The following MARK3 variants were observed in gnomAD, a reference collection of about 807,000 sequenced individuals.
MARK3 encodes the protein microtubule affinity regulating kinase 3.
A neutral mutation model predicts 90.1 loss-of-function variants in MARK3; 46 were observed. That is an observed-to-expected ratio of 0.51 (90% confidence interval 0.40 to 0.65). The LOEUF (loss-of-function observed/expected upper bound fraction) is 0.65, where lower values mean the gene tolerates loss of function less well. Ranked by LOEUF, MARK3 falls within the 30% of genes least tolerant of loss-of-function variation. The pLI is 0.00. For missense variants in MARK3, 818 were observed against 947.2 expected (o/e 0.86, Z 1.79); for synonymous variants, 321 against 332.6 (o/e 0.97, Z 0.38).
chr14:103,502,737 A>G, intron 17 of MARK3, 145 bp from the exon 18 acceptor site: 1 of 637,998 alleles, frequency 1.6e-6, no homozygotes, highest in Admixed American at 3.0e-5. Context: ...AAATAGACTT[A>G]GTTACAAATG....
At chr14:103,405,887 G>A (rs538120369) in intron 2 of MARK3, among the ~76,000 whole-genome samples, 25 of 149,188 alleles carry the variant, frequency 1.7e-4, no homozygotes, top group African/African-American at 5.2e-4. Flanking sequence ...ATGAGCCACC[G>A]TGCCCAACCT....
chr14:103,471,385 CAA>C (rs1486518276), intron 12 of MARK3, among the ~76,000 whole-genome samples: 2 of 152,056 alleles, frequency 1.3e-5, no homozygotes, highest in Non-Finnish European at 2.9e-5. Context: ...CTAAATAGAC[CAA>C]GAGAGATTAC....
intron 17 of MARK3, among the ~76,000 whole-genome samples, chr14:103,501,259 T>A (rs940257735): frequency 6.6e-6 from 1 of 152,060 alleles, no homozygotes; most frequent in Admixed American, 6.6e-5. Flanking sequence ...CTAGGGTGAG[T>A]GCCAGGCAGC....
At position 103,448,763 on chromosome 14, in the gene MARK3, C is replaced by G. The variant is rs1321364447; in HGVS notation, c.298-156C>G. ...TTATTAAAACTACTTCAGAGATATT[C>G]TGGACTTTCATATTAGTCTTAGATA... On this transcript the variant is annotated intron_variant, in intron 3 of 17. Transcript: ENST00000429436. 2.6e-5 allele frequency among the ~76,000 whole-genome samples: 4 copies of G among 152,182 alleles called. No homozygotes were observed. In the East Asian group the frequency reaches 7.7e-4, roughly 29 times the overall value.
At chr14:103,407,419 C>T (rs1326450788) in intron 2 of MARK3, among the ~76,000 whole-genome samples, 2 of 152,128 alleles carry the variant, frequency 1.3e-5, no homozygotes, top group Admixed American at 6.5e-5. Flanking sequence ...TGTAGGAAGG[C>T]ACATACTTTC....
Position 103,491,757 on chromosome 14 carries a change from C to G in MARK3, c.1587-20C>G. 1 of 1,610,624 alleles carries G rather than the reference C, an allele frequency of 6.2e-7. No homozygotes were observed. Among genetic ancestry groups the G allele is most frequent in the Non-Finnish European group, 8.5e-7 (1 of 1,177,788 alleles). ...TTTGTATATCATGTTCTGAGAGCTT[C>G]TTACTTTCTGATCTCATAGCACTAT... On this transcript the variant is annotated intron_variant, in intron 14 of 17. Transcript: ENST00000429436.
intron 6 of MARK3, among the ~76,000 whole-genome samples, chr14:103,461,722 A>G (rs2093404658): frequency 6.6e-6 from 1 of 152,064 alleles, no homozygotes; most frequent in African/African-American, 2.4e-5. Flanking sequence ...TTTGGTTTGG[A>G]GTTGACTCTA....
Position 103,467,143 on chromosome 14 carries a change from C to G in MARK3, c.1062C>G (p.Tyr354Ter). ...EIQESLSKMK[Y>*]DEITATYLLL... ...AAGAATCTCTTAGTAAGATGAAATA[C>G]GATGAAATCACAGCTACATATTTGT... Residue 354 changes from tyrosine to a stop codon, truncating the protein, a stop_gained, in exon 11 of 18, where the codon TAC (tyrosine) becomes TAG (stop). Transcript: ENST00000429436. LOFTEE classifies it high-confidence loss of function. 1 of 1,601,950 alleles carries G rather than the reference C, an allele frequency of 6.2e-7. No homozygotes were observed. Among genetic ancestry groups the G allele is most frequent in the Non-Finnish European group, 8.5e-7 (1 of 1,171,786 alleles).
At chr14:103,470,465 T>TTTTTTTTTTTTTTTTTTTTG in intron 12 of MARK3, among the ~76,000 whole-genome samples, 1 of 110,184 alleles carries the variant, frequency 9.1e-6, no homozygotes, top group Non-Finnish European at 2.0e-5. Context: ...ATTTTTTTTT[T>TTTTTTTTTTTTTTTTTTTTG]TTTTTTTGAG....
At chr14:103,423,032 C>T (rs961531702) in intron 2 of MARK3, among the ~76,000 whole-genome samples, 9 of 152,000 alleles carry the variant, frequency 5.9e-5, no homozygotes, top group African/African-American at 7.3e-5. Context: ...CACATGAGAA[C>T]GCAGGGAGAG....
At chr14:103,390,328 CAGAG>C (rs1437286216) in intron 1 of MARK3, among the ~76,000 whole-genome samples, 1 of 152,174 alleles carries the variant, frequency 6.6e-6, no homozygotes, top group Non-Finnish European at 1.5e-5. Flanking sequence ...TGCTGAGACT[CAGAG>C]AGGTGACAAA....
chr14:103,441,214 C>T (rs1421452244), intron 3 of MARK3, among the ~76,000 whole-genome samples: 1 of 152,094 alleles, frequency 6.6e-6, no homozygotes, highest in African/African-American at 2.4e-5. Flanking sequence ...GCAGAGGCTC[C>T]TAATTTTAAA....
intron 3 of MARK3, among the ~76,000 whole-genome samples, chr14:103,431,184 T>C (rs2092570877): frequency 6.6e-6 from 1 of 152,154 alleles, no homozygotes; most frequent in Non-Finnish European, 1.5e-5. Context: ...CTCTGCCTCT[T>C]GGGTTCAAGC....
rs67737305 is a variant in MARK3 at position 103,389,528 on chromosome 14, C to CAAAAAAAAAAAAAAAAA, written c.51+3452_51+3468dup. 1.2e-4 allele frequency among the ~76,000 whole-genome samples: 6 copies of CAAAAAAAAAAAAAAAAA among 49,852 alleles called. 1 individual carries two copies. Among genetic ancestry groups the CAAAAAAAAAAAAAAAAA allele is most frequent in the African/African-American group, 3.3e-4 (4 of 11,992 alleles). 32.7% of individuals were successfully genotyped at this position (49,852 alleles called of 152,430 possible). A position where few individuals can be genotyped will look rare whatever the true frequency, so the allele number is the denominator to read the frequency against. ...GAGTGACAGAGTAAGACTCTGTCTC[C>CAAAAAAAAAAAAAAAAA]AAAAAAAAAAAAAAAAAAAAGCAGA... On this transcript the variant is annotated intron_variant, in intron 1 of 17. Coordinates refer to ENST00000429436, the MANE Select transcript of MARK3 (RefSeq NM_001128918.3).
chr14:103,479,628 C>CTTTTTTTTT (rs34768749), intron 13 of MARK3, among the ~76,000 whole-genome samples: 19 of 78,246 alleles, frequency 2.4e-4, no homozygotes, highest in African/African-American at 3.2e-4. Context: ...ATACGTATAG[C>CTTTTTTTTT]TTTTTTTTTT....
chr14:103,444,462 G>A (rs1466732714), intron 3 of MARK3, among the ~76,000 whole-genome samples: 1 of 152,218 alleles, frequency 6.6e-6, no homozygotes, highest in Non-Finnish European at 1.5e-5. Flanking sequence ...AAAAGGGAAT[G>A]TGGAGAAATA....
intron 11 of MARK3, 90 bp downstream of exon 11, chr14:103,467,281 G>A (rs960135282): frequency 2.8e-5 from 17 of 597,066 alleles, no homozygotes; most frequent in Admixed American, 1.2e-4. Context: ...TTGAATATTT[G>A]TAACATTTGA....
intron 1 of MARK3, among the ~76,000 whole-genome samples, chr14:103,390,344 G>T (rs1207225137): frequency 2.0e-5 from 3 of 152,188 alleles, no homozygotes; most frequent in Non-Finnish European, 2.9e-5. Context: ...GGTGACAAAG[G>T]CTGCTAGTAA....
At chr14:103,386,919 G>A (rs575972214) in intron 1 of MARK3, among the ~76,000 whole-genome samples, 5 of 152,200 alleles carry the variant, frequency 3.3e-5, no homozygotes, top group Non-Finnish European at 5.9e-5. Context: ...TAGAGAATGA[G>A]AACTTGTAGT....
Sources: allele counts gnomAD v4.1 joint callset (sites outside exome capture counted in the v4.1 genomes callset), GRCh38; gene constraint gnomAD v4.1.1; transcripts MANE v1.5; gene names NCBI Gene and HGNC (gene_info 2026-07-23, HGNC 2026-07-21).